ERICH1: variants seen among roughly 807,000 people sequenced by gnomAD.
The protein encoded by ERICH1 is glutamate rich 1.
A neutral mutation model predicts 39.6 loss-of-function variants in ERICH1; 56 were observed. That is an observed-to-expected ratio of 1.41 (90% CI 1.14 to 1.77). ERICH1 has a LOEUF of 1.77. ERICH1 is among the 40% of genes most tolerant of loss of function. The pLI is 0.00. For missense variants in ERICH1, 826 were observed against 575.4 expected (o/e 1.44, Z -4.45); for synonymous variants, 313 against 223.6 (o/e 1.40, Z -3.57).
chr8:670,477 C>A (rs78713927), intron 4 of ERICH1, among the ~76,000 whole-genome samples: 1 of 152,110 alleles, frequency 6.6e-6, no homozygotes, highest in African/African-American at 2.4e-5. Flanking sequence ...CCAGGCAGAC[C>A]GAGTAGAGGG....
In ERICH1 at chr8:668,459, G is replaced by A. The variant is rs900321190; in HGVS notation, c.1258+139C>T. On this transcript the variant is annotated intron_variant, in intron 5 of 5. Coordinates refer to ENST00000262109, the MANE Select transcript of ERICH1 (RefSeq NM_207332.3). ...GATGCAGGAAGCCTGTTTCTCTCTG[G>A]GACTCTATTCTCCCATGCCATATGT... 3 of 766,780 alleles carry A rather than the reference G, an allele frequency of 3.9e-6. No individual in the cohort carries two copies. In the African/African-American group the frequency reaches 5.2e-5, roughly 13 times the overall value. 47.5% of individuals were successfully genotyped at this position (766,780 alleles called of 1,614,324 possible). A position where few individuals can be genotyped will look rare whatever the true frequency, so the allele number is the denominator to read the frequency against.
At chr8:717,190 T>G (rs1461933651) in intron 1 of ERICH1, among the ~76,000 whole-genome samples, 1 of 152,140 alleles carries the variant, frequency 6.6e-6, no homozygotes, top group Non-Finnish European at 1.5e-5. Flanking sequence ...TCTGGTTAAG[T>G]GGAAAACCTG....
At chr8:727,434 T>C (rs113351352) in intron 1 of ERICH1, among the ~76,000 whole-genome samples, 118 of 152,124 alleles carry the variant, frequency 7.8e-4, no homozygotes, top group African/African-American at 2.7e-3. Context: ...AGGGAGATGG[T>C]GAACAGGAAG....
chr8:684,275 T>A (rs1256006642), intron 3 of ERICH1, among the ~76,000 whole-genome samples: 4 of 152,088 alleles, frequency 2.6e-5, no homozygotes, highest in Non-Finnish European at 5.9e-5. Flanking sequence ...ATTTTTTTAA[T>A]TTAAAGAATA....
intron 3 of ERICH1, among the ~76,000 whole-genome samples, chr8:655,147 G>A (rs751708091): frequency 3.0e-4 from 46 of 152,194 alleles, no homozygotes; most frequent in Non-Finnish European, 5.7e-4. Flanking sequence ...ACGCCAAGTC[G>A]GCCCCAAGGG....
At chr8:684,078 A>G (rs990954708) in intron 3 of ERICH1, among the ~76,000 whole-genome samples, 2 of 152,242 alleles carry the variant, frequency 1.3e-5, no homozygotes, top group East Asian at 3.8e-4. Context: ...AAACAGCTTG[A>G]TAGATACTTT....
chr8:698,213 T>C (rs2132140574), intron 2 of ERICH1, among the ~76,000 whole-genome samples: 1 of 129,940 alleles, frequency 7.7e-6, no homozygotes, highest in Non-Finnish European at 1.7e-5. Context: ...TCCTAAATCA[T>C]ATTCCTTTTC....
intron 5 of ERICH1, chr8:668,273 A>T (rs1479155067): frequency 1.9e-5 from 7 of 359,700 alleles, no homozygotes; most frequent in African/African-American, 1.5e-4. Flanking sequence ...TTTACCATCT[A>T]CCACAGCAGT....
intron 3 of ERICH1, among the ~76,000 whole-genome samples, chr8:642,965 C>A (rs868656531): frequency 6.6e-6 from 1 of 152,248 alleles, no homozygotes; most frequent in East Asian, 1.9e-4. Flanking sequence ...TGGGAGACGC[C>A]GCCGAGTCAC....
At chr8:676,496 C>T (rs1804826386) in intron 3 of ERICH1, among the ~76,000 whole-genome samples, 1 of 149,114 alleles carries the variant, frequency 6.7e-6, no homozygotes, top group African/African-American at 2.5e-5. Flanking sequence ...GACGCGGCGG[C>T]CCCTCGTGAG....
intron 3 of ERICH1, among the ~76,000 whole-genome samples, chr8:684,203 C>T (rs1276259422): frequency 1.3e-5 from 2 of 152,016 alleles, no homozygotes; most frequent in African/African-American, 4.8e-5. Flanking sequence ...GTGCTAAATT[C>T]CCTTAAATAA....
At chr8:684,824 A>T (rs1160787115) in intron 3 of ERICH1, among the ~76,000 whole-genome samples, 1 of 152,230 alleles carries the variant, frequency 6.6e-6, no homozygotes, top group Non-Finnish European at 1.5e-5. Flanking sequence ...AGTTTTTATT[A>T]GCGATTTTCA....
chr8:617,052 G>A lies in ERICH1; in HGVS notation c.977-1768C>T, dbSNP rs1298249918. ...GATTCAGGACCAACGAAATAATTCC[G>A]GTTCCCACTTTGACTCTTTGTCCCA... is the stretch of plus-strand genomic sequence containing the variant. On this transcript the variant is annotated intron_variant, in intron 3 of 3. Coordinates refer to the ERICH1 transcript ENST00000522706. Among the ~76,000 whole-genome samples the A allele has an allele frequency of 4.0e-5, 6 of 151,824 alleles. 1 individual carries two copies. Among genetic ancestry groups the A allele is most frequent in the Non-Finnish European group, 7.4e-5 (5 of 67,982 alleles).
At position 644,414 on chromosome 8, in the gene ERICH1, G is replaced by C. The variant is rs545345518; in HGVS notation, c.976+24184C>G. 1.3e-4 allele frequency among the ~76,000 whole-genome samples: 2 copies of C among 15,146 alleles called. 1 individual carries two copies. The highest frequency in any genetic ancestry group is 2.0e-3 in the East Asian group (2 of 1,014). The allele number at this position is 15,146 out of a possible 152,430, so 9.9% of individuals were successfully genotyped here. On this transcript the variant is annotated intron_variant, in intron 3 of 3. Coordinates refer to the ERICH1 transcript ENST00000522706. ...AAAGTCAAGGAAGATTCTTTAGTGA[G>C]ATTTTACTATGAAAGAGGAGACTTA...
At chr8:663,433 C>CACCGTCACCAGGCG (rs1801727560), downstream of ERICH1, among the ~76,000 whole-genome samples, 1 of 152,186 alleles carries the variant, frequency 6.6e-6, no homozygotes, top group South Asian at 2.1e-4. Flanking sequence ...CTCAGAACAT[C>CACCGTCACCAGGCG]ACCGTCACCA....
intron 3 of ERICH1, among the ~76,000 whole-genome samples, chr8:675,001 A>G (rs1161304926): frequency 1.3e-5 from 2 of 152,244 alleles, no homozygotes; most frequent in African/African-American, 2.4e-5. Context: ...AGCACAGCCA[A>G]TTCTCACAGG....
At chr8:685,654 T>C (rs1304180262) in intron 3 of ERICH1, among the ~76,000 whole-genome samples, 15 of 152,172 alleles carry the variant, frequency 9.9e-5, no homozygotes, top group Admixed American at 9.8e-4. Context: ...TCTTCACAAT[T>C]TATGTTCTCT....
In ERICH1 at chr8:697,499, G is replaced by T. The variant is rs370795775; in HGVS notation, c.170-4887C>A. Among the ~76,000 whole-genome samples, 5 of 152,292 alleles carry T rather than the reference G, an allele frequency of 3.3e-5. No homozygotes were observed. The East Asian group carries it at 9.7e-4, about 30-fold the overall frequency. Reference sequence around the variant, plus strand: ...GAAAGAAGCTTGGCTCAGACTCCCAGTGACAGGCCTGCAGGTCCCCAGCCC... The same window carrying T: ...GAAAGAAGCTTGGCTCAGACTCCCATTGACAGGCCTGCAGGTCCCCAGCCC... On this transcript the variant is annotated intron_variant, in intron 2 of 5. Transcript: ENST00000262109.
rs749771261 is a variant in ERICH1, at chr8:674,011, ATTC to A, written c.338_340del (p.Arg113del). 35 of 1,572,854 alleles carry A rather than the reference ATTC, an allele frequency of 2.2e-5. No homozygotes were observed. Among genetic ancestry groups the A allele is most frequent in the South Asian group, 7.1e-5 (6 of 84,490 alleles). On this transcript the variant is annotated inframe_deletion, in exon 4 of 6. Coordinates refer to ENST00000262109, the MANE Select transcript of ERICH1 (RefSeq NM_207332.3). ...TTTTTTCTTTGATTTATGCTTCCTA[ATTC>A]TTCTTCTCTTTGGCTGGTCATGAGG...
Sources: gnomAD v4.1 joint callset for allele counts (sites outside exome capture counted in the v4.1 genomes callset) on GRCh38, gnomAD v4.1.1 for gene constraint, MANE v1.5 for transcripts, NCBI Gene and HGNC (gene_info 2026-07-23, HGNC 2026-07-21) for gene names.